LTN1: variants seen among roughly 807,000 people sequenced by gnomAD.
LTN1 encodes the protein E3 ubiquitin-protein ligase listerin.
LTN1 carries 88 observed loss-of-function variants against 201.2 expected under a neutral mutation model. The ratio of observed to expected loss-of-function variants is 0.44; its 90% CI spans 0.37 to 0.52. The LOEUF (loss-of-function observed/expected upper bound fraction) is 0.52. Among genes scored for constraint, LTN1 ranks in the 20% least tolerant of loss-of-function variants. The pLI, the probability that LTN1 is intolerant of heterozygous loss-of-function variation, is 0.00. For missense variants in LTN1, 1,752 were observed against 2,038.7 expected (o/e 0.86, Z 2.71); for synonymous variants, 645 against 713.5 (o/e 0.90, Z 1.53).
rs991014122 is a variant in LTN1 at position 28,982,060 on chromosome 21, C to CA, written c.629+255dup. ...TGAAACCCCATCTCTATAAAAAATACAAAAAAATTAGCCAGGTGTAGTGGT... is the reference window on the plus strand; with the variant it reads ...TGAAACCCCATCTCTATAAAAAATACAAAAAAAATTAGCCAGGTGTAGTGGT... On this transcript the variant is annotated intron_variant, in intron 5 of 29. Coordinates refer to ENST00000361371, the MANE Select transcript of LTN1 (RefSeq NM_015565.3). 7.2e-5 allele frequency among the ~76,000 whole-genome samples: 11 copies of CA among 152,034 alleles called. No individual in the cohort carries two copies. The South Asian group carries it at 8.3e-4, about 11-fold the overall frequency.
At chr21:28,956,539 G>A (rs547052445) in intron 16 of LTN1, among the ~76,000 whole-genome samples, 2 of 152,070 alleles carry the variant, frequency 1.3e-5, no homozygotes, top group South Asian at 2.1e-4. Context: ...ACCAAATTAC[G>A]ATCCACAGTT....
chr21:28,981,033 G>A (rs955254832), intron 6 of LTN1, 86 bp downstream of exon 6: 9 of 792,830 alleles, frequency 1.1e-5, no homozygotes, highest in East Asian at 2.9e-5. Context: ...AGAGTTCTAA[G>A]TATAAACAAT....
intron 6 of LTN1, among the ~76,000 whole-genome samples, chr21:28,980,353 G>A (rs1035151600): frequency 7.3e-6 from 1 of 136,644 alleles, no homozygotes; most frequent in Non-Finnish European, 1.5e-5. Context: ...ATGAAAAAAA[G>A]GTGTCTTTAT....
chr21:28,945,776 C>T, intron 21 of LTN1, 31 bp downstream of exon 21: 3 of 1,590,314 alleles, frequency 1.9e-6, no homozygotes, highest in Non-Finnish European at 2.6e-6. Context: ...CAAAAACCCA[C>T]AAGAGGTGAT....
At chr21:28,937,290 G>A (rs1403273714) in intron 25 of LTN1, among the ~76,000 whole-genome samples, 1 of 152,102 alleles carries the variant, frequency 6.6e-6, no homozygotes, top group Non-Finnish European at 1.5e-5. Context: ...CATTGACTTT[G>A]CAGTTCTTTG....
At chr21:28,980,479 C>T (rs2084649909) in intron 6 of LTN1, among the ~76,000 whole-genome samples, 1 of 148,978 alleles carries the variant, frequency 6.7e-6, no homozygotes, top group Non-Finnish European at 1.5e-5. Flanking sequence ...ACCAGCATGG[C>T]ACATGTATAC....
rs116625444 is a variant in LTN1 at position 28,984,444 on chromosome 21, T to C, written c.576+248A>G. The stretch of plus-strand genomic sequence containing the variant: ...ACATAAAACATCTACTTTTTAAAAA[T>C]ATAATAAAGACTTCAAAATTAAAAT... On this transcript the variant is annotated intron_variant, in intron 4 of 29. Transcript: ENST00000361371. 2.5e-3 allele frequency among the ~76,000 whole-genome samples: 379 copies of C among 152,182 alleles called. 2 individuals are homozygous for C. The highest frequency in any genetic ancestry group is 8.9e-3 in the African/African-American group (369 of 41,546).
Position 28,957,449 on chromosome 21 carries a change from A to C in LTN1, c.2775T>G (p.Asp925Glu). The change falls in exon 15 of 30, where the codon GAT becomes GAG. Residue 925 changes from aspartate (D) to glutamate (E), a missense_variant. By Grantham distance (45) the Asp-to-Glu change is conservative (BLOSUM62 2). Transcript: ENST00000361371. Reference sequence around the variant, plus strand: ...TCTCTAGAAGTGTATTTAGCAAATCATCAACAGCAGACAAGAGGACTTGGA... The same window carrying C: ...TCTCTAGAAGTGTATTTAGCAAATCCTCAACAGCAGACAAGAGGACTTGGA... Reference protein sequence around the residue: ...NSLQVLLSAVDDLLNTLLESE... With the variant: ...NSLQVLLSAVEDLLNTLLESE... 1 of 1,581,452 alleles carries C rather than the reference A, an allele frequency of 6.3e-7. No individual in the cohort carries two copies.
intron 6 of LTN1, among the ~76,000 whole-genome samples, chr21:28,976,584 A>C (rs2084616863): frequency 6.6e-6 from 1 of 150,630 alleles, no homozygotes. Flanking sequence ...TGGGCAACAA[A>C]GTGAGATTCT....
chr21:28,959,394 T>TA (rs1486903378), intron 13 of LTN1, 64 bp downstream of exon 13: 4 of 1,547,880 alleles, frequency 2.6e-6, no homozygotes, highest in East Asian at 2.3e-5. Flanking sequence ...CCTGGGCACT[T>TA]ACACTCACTA....
rs547760835 is a variant in LTN1 at position 28,970,290 on chromosome 21, A to G, written c.1175+262T>C. 1.2e-4 allele frequency among the ~76,000 whole-genome samples: 19 copies of G among 152,322 alleles called. 1 individual carries two copies. Among genetic ancestry groups the G allele is most frequent in the Middle Eastern group, 3.4e-3 (1 of 294 alleles). ...AATTGGTTAGCACATTCTGCTGTTA[A>G]AAAAATGGCTAATTTGAAAAATAGC... On this transcript the variant is annotated intron_variant, in intron 8 of 29. Coordinates refer to ENST00000361371, the MANE Select transcript of LTN1 (RefSeq NM_015565.3).
intron 3 of LTN1, 48 bp from the exon 4 acceptor site, chr21:28,984,970 C>CA: frequency 7.3e-7 from 1 of 1,373,506 alleles, no homozygotes. Flanking sequence ...CCCATAAAAA[C>CA]AATCACAGAC....
chr21:28,948,157 A>G (rs1224179304), intron 18 of LTN1, among the ~76,000 whole-genome samples: 1 of 102,558 alleles, frequency 9.8e-6, no homozygotes, highest in Non-Finnish European at 1.9e-5. Flanking sequence ...GGGCCCCTGC[A>G]CTCCAGCCCT....
chr21:28,982,917 A>G (rs1382516090), intron 4 of LTN1, among the ~76,000 whole-genome samples: 1 of 152,212 alleles, frequency 6.6e-6, no homozygotes, highest in Non-Finnish European at 1.5e-5. Flanking sequence ...TTAGGCATTA[A>G]CTAAATCAAT....
intron 18 of LTN1, among the ~76,000 whole-genome samples, chr21:28,950,307 C>T (rs2084372131): frequency 6.6e-6 from 1 of 151,944 alleles, no homozygotes; most frequent in Non-Finnish European, 1.5e-5. Context: ...TTCTTTTTCT[C>T]CCATACCATT....
At position 28,947,624 on chromosome 21, in the gene LTN1, A is replaced by G. The variant is rs372361949; in HGVS notation, c.3345-18T>C. The G allele has an allele frequency of 1.0e-3, 1,575 of 1,516,980 alleles. No individual in the cohort carries two copies. Among genetic ancestry groups the G allele is most frequent in the Non-Finnish European group, 1.2e-3 (1,394 of 1,134,002 alleles). 94.0% of individuals were successfully genotyped at this position (1,516,980 alleles called of 1,614,324 possible). A position where few individuals can be genotyped will look rare whatever the true frequency, so the allele number is the denominator to read the frequency against. On this transcript the variant is annotated intron_variant, in intron 18 of 29. Transcript: ENST00000361371. ...GAAAAAAACTGTTTAAAGAAAAAAA[A>G]AACACAAGTTAGATTTCTTCCAAAC...
chr21:28,965,029 GT>G (rs1447616150), intron 11 of LTN1, among the ~76,000 whole-genome samples: 1 of 152,150 alleles, frequency 6.6e-6, no homozygotes, highest in Admixed American at 6.6e-5. Context: ...TGGATACAGG[GT>G]TTCAGTTTTG....
At chr21:28,981,553 CG>C (rs1189792095) in intron 5 of LTN1, among the ~76,000 whole-genome samples, 2 of 152,114 alleles carry the variant, frequency 1.3e-5, no homozygotes, top group Admixed American at 6.6e-5. Context: ...ATACCGCTCT[CG>C]GTAGCATGTA....
At chr21:28,944,665 A>C in intron 21 of LTN1, 69 bp from the exon 22 acceptor site, 1 of 1,082,416 alleles carries the variant, frequency 9.2e-7, no homozygotes, top group Non-Finnish European at 1.3e-6. Flanking sequence ...AAGCCAATAT[A>C]AAGAAAAGCC....
Sources: allele counts gnomAD v4.1 joint callset (sites outside exome capture counted in the v4.1 genomes callset), GRCh38; gene constraint gnomAD v4.1.1; transcripts MANE v1.5; gene names NCBI Gene and HGNC (gene_info 2026-07-23, HGNC 2026-07-21).